The following SCN3A variants were observed in gnomAD, a reference collection of about 807,000 sequenced individuals.
The protein encoded by SCN3A is sodium voltage-gated channel alpha subunit 3, also known as sodium channel protein type 3 subunit alpha.
A neutral mutation model predicts 187.6 loss-of-function variants in SCN3A; 60 were observed. That is an observed-to-expected ratio of 0.32 (90% CI 0.26 to 0.40). The LOEUF (loss-of-function observed/expected upper bound fraction) is 0.40, where lower values mean the gene tolerates loss of function less well. SCN3A is among the 10% of genes least tolerant of loss of function. The pLI is 1.00. For missense variants in SCN3A, 1,601 were observed against 2,428.2 expected, an observed-to-expected ratio of 0.66 and a Z score of 7.16; for synonymous variants, 788 against 829.2, an observed-to-expected ratio of 0.95 and a Z score of 0.85.
chr2:165,148,348 A>G (rs1282521823), intron 11 of SCN3A, among the ~76,000 whole-genome samples: 1 of 152,090 alleles, frequency 6.6e-6, no homozygotes, highest in African/African-American at 2.4e-5. Flanking sequence ...TCAAGACATC[A>G]TAAAAGACTG....
intron 2 of SCN3A, among the ~76,000 whole-genome samples, chr2:165,186,185 G>T (rs1340985248): frequency 6.6e-6 from 1 of 152,062 alleles, no homozygotes; most frequent in Non-Finnish European, 1.5e-5. Context: ...CAGGAGAATG[G>T]CGTGAACCCG....
At chr2:165,200,735 A>G (rs1412498465) in intron 1 of SCN3A, among the ~76,000 whole-genome samples, 2 of 152,008 alleles carry the variant, frequency 1.3e-5, no homozygotes, top group Non-Finnish European at 2.9e-5. Flanking sequence ...GGGTGGTTGA[A>G]GGGAAGGATT....
Position 165,176,179 on chromosome 2 carries a change from C to T in SCN3A, c.216G>A (p.Met72Ile), listed in dbSNP as rs1391994104. 6 of 1,613,844 alleles carry T rather than the reference C, an allele frequency of 3.7e-6. No individual in the cohort carries two copies. Among genetic ancestry groups the T allele is most frequent in the East Asian group, 2.2e-5 (1 of 44,892 alleles). The stretch of plus-strand genomic sequence containing the variant: ...CCAGGTCCTCCAGGGGCTCTGACAC[C>T]ATCTCTGGAGGAATGTCTCCATAAA... Reference protein sequence around the residue: ...PFIYGDIPPEMVSEPLEDLDP... With the variant: ...PFIYGDIPPEIVSEPLEDLDP... The change falls in exon 3 of 28, where the codon ATG becomes ATA. Residue 72 changes from methionine (M) to isoleucine (I), a missense_variant. Met to Ile is a conservative substitution (Grantham distance 10). This residue lies in a region of SCN3A where 122 missense variants were observed against 225.1 expected (regional missense o/e 0.54). Coordinates refer to ENST00000283254, the MANE Select transcript of SCN3A (RefSeq NM_006922.4).
intron 18 of SCN3A, among the ~76,000 whole-genome samples, chr2:165,119,079 A>C (rs1686521140): frequency 6.6e-6 from 1 of 151,786 alleles, no homozygotes; most frequent in Non-Finnish European, 1.5e-5. Flanking sequence ...ATGATTTTTA[A>C]ATTTTTTGTA....
At chr2:165,196,900 T>G (rs1691999916) in intron 1 of SCN3A, among the ~76,000 whole-genome samples, 1 of 152,130 alleles carries the variant, frequency 6.6e-6, no homozygotes, top group South Asian at 2.1e-4. Context: ...TATTCGATTA[T>G]TCAAGATTTA....
chr2:165,190,158 C>T (rs1295275177), intron 1 of SCN3A, among the ~76,000 whole-genome samples: 3 of 152,130 alleles, frequency 2.0e-5, no homozygotes, highest in African/African-American at 7.2e-5. Context: ...AAAGAGGTAA[C>T]TTCAAATGGG....
At position 165,146,901 on chromosome 2, in the gene SCN3A, C is replaced by T. The variant is rs1007055715; in HGVS notation, c.1509G>A (p.Arg503=). 6.8e-6 allele frequency: 11 copies of T among 1,614,034 alleles called. No individual in the cohort carries two copies. The highest frequency in any genetic ancestry group is 9.3e-6 in the Non-Finnish European group (11 of 1,179,960). Residue 503 remains arginine, a synonymous_variant, in exon 12 of 28, where the codon AGG becomes AGA. Coordinates refer to ENST00000283254, the MANE Select transcript of SCN3A (RefSeq NM_006922.4). ...SKSAKEWRNR[R]KKRRQREHLE... is the part of the protein sequence containing the mutation. Reference sequence around the variant, plus strand: ...GGTGCTCTCTCTGTCTTCTTTTCTTCCTTCGGTTCCTCCATTCTTTAGCAC... The same window carrying T: ...GGTGCTCTCTCTGTCTTCTTTTCTTTCTTCGGTTCCTCCATTCTTTAGCAC...
At chr2:165,146,481 ATT>A (rs1688342448) in intron 12 of SCN3A, among the ~76,000 whole-genome samples, 1 of 148,142 alleles carries the variant, frequency 6.8e-6, no homozygotes, top group African/African-American at 2.5e-5. Context: ...ATCAATATAT[ATT>A]ATATATATCT....
intron 21 of SCN3A, among the ~76,000 whole-genome samples, chr2:165,102,101 C>G (rs941451097): frequency 6.6e-6 from 1 of 152,228 alleles, no homozygotes; most frequent in Non-Finnish European, 1.5e-5. Flanking sequence ...TCTAGAGTTA[C>G]TATCTGAAGA....
At chr2:165,175,809 A>T (rs140741429) in intron 3 of SCN3A, among the ~76,000 whole-genome samples, 119 of 152,274 alleles carry the variant, frequency 7.8e-4, no homozygotes, top group African/African-American at 2.6e-3. Context: ...ATTATTCTGT[A>T]GTCTACCCTG....
intron 5 of SCN3A, among the ~76,000 whole-genome samples, chr2:165,166,411 G>GTCTATGTCACAGGAACAAT (rs1479548880): frequency 6.6e-6 from 1 of 152,170 alleles, no homozygotes; most frequent in East Asian, 1.9e-4. Context: ...TGTCAATTCT[G>GTCTATGTCACAGGAACAAT]TCTATGTTCC....
rs1689609404 is a variant in SCN3A, at chr2:165,164,420, A to T, written c.574T>A (p.Trp192Arg). ...ATCACAATGACACTGAAATCCAGCC[A>T]GTTCCATGGATCACGAAGAAACGTA... ...DFTFLRDPWN[W>R]LDFSVIVMAY... The change falls in exon 6 of 28, where the codon TGG becomes AGG. Residue 192 changes from tryptophan to arginine, a missense_variant. Transcript: ENST00000283254. The T allele has an allele frequency of 6.2e-7, 1 of 1,613,748 alleles. No individual in the cohort carries two copies. Among genetic ancestry groups the T allele is most frequent in the African/African-American group, 1.3e-5 (1 of 74,926 alleles).
At chr2:165,199,160 G>A (rs1692164255) in intron 1 of SCN3A, among the ~76,000 whole-genome samples, 1 of 151,896 alleles carries the variant, frequency 6.6e-6, no homozygotes, top group Non-Finnish European at 1.5e-5. Flanking sequence ...GAGCTTCTTG[G>A]CAGAAAATGG....
chr2:165,178,784 G>C (rs985134447), intron 2 of SCN3A, among the ~76,000 whole-genome samples: 5 of 151,974 alleles, frequency 3.3e-5, no homozygotes, highest in African/African-American at 9.7e-5. Flanking sequence ...GAAAAATTCT[G>C]TTTTACTCAA....
At chr2:165,164,802 C>G (rs1689636095) in intron 5 of SCN3A, among the ~76,000 whole-genome samples, 1 of 151,986 alleles carries the variant, frequency 6.6e-6, no homozygotes, top group Non-Finnish European at 1.5e-5. Context: ...TCTAGTTTGA[C>G]CTTCTAGCGC....
At chr2:165,203,265 C>T (rs1454397275) in intron 1 of SCN3A, among the ~76,000 whole-genome samples, 1 of 151,820 alleles carries the variant, frequency 6.6e-6, no homozygotes, top group Non-Finnish European at 1.5e-5. Flanking sequence ...AAGGTTCAAC[C>T]TCTTTTAAAT....
intron 1 of SCN3A, chr2:165,195,256 G>GT (rs966823513): frequency 8.5e-5 from 13 of 152,226 alleles, no homozygotes; most frequent in African/African-American, 3.1e-4. Flanking sequence ...CTAAGAAGAG[G>GT]TGAGAGGGAA....
intron 3 of SCN3A, among the ~76,000 whole-genome samples, chr2:165,173,528 T>C (rs1690253224): frequency 6.6e-6 from 1 of 152,226 alleles, no homozygotes; most frequent in Non-Finnish European, 1.5e-5. Context: ...ATTATCACTG[T>C]CACTATTATT....
chr2:165,164,610 G>A (rs1178978675), intron 5 of SCN3A, 90 bp from the exon 6 acceptor site: 10 of 1,411,516 alleles, frequency 7.1e-6, no homozygotes, highest in Non-Finnish European at 8.8e-6. Context: ...TCCTTTTGTG[G>A]TTTTTCAATT....
Sources: gnomAD v4.1 joint callset for allele counts (sites outside exome capture counted in the v4.1 genomes callset) on GRCh38, gnomAD v4.1.1 for gene constraint, gnomAD v4.1.1 regional missense constraint, MANE v1.5 for transcripts, NCBI Gene and HGNC (gene_info 2026-07-23, HGNC 2026-07-21) for gene names.